The following TBC1D23 variants were observed in gnomAD, a reference collection of about 807,000 sequenced individuals.
The protein encoded by TBC1D23 is HCV non-structural protein 4A-transactivated protein 1.
Under a neutral mutation model 91.4 loss-of-function variants are expected in TBC1D23, and 55 were observed. The ratio of observed to expected loss-of-function variants is 0.60; its 90% CI spans 0.48 to 0.75. The LOEUF is 0.75. Ranked by LOEUF, TBC1D23 falls within the 30% of genes least tolerant of loss-of-function variation. The pLI is 0.00. For synonymous variants in TBC1D23, 289 were observed against 281.0 expected (o/e 1.03, Z -0.28); for missense variants, 725 against 836.1 (o/e 0.87, Z 1.64).
intron 1 of TBC1D23, among the ~76,000 whole-genome samples, chr3:100,276,086 TAAAAAA>T (rs71625558): frequency 2.9e-5 from 4 of 138,664 alleles, no homozygotes; most frequent in Admixed American, 7.1e-5. Context: ...AGATACTTGT[TAAAAAA>T]AAAAAAAAAA....
At chr3:100,275,720 A>G (rs1280513881) in intron 1 of TBC1D23, among the ~76,000 whole-genome samples, 1 of 152,248 alleles carries the variant, frequency 6.6e-6, no homozygotes, top group African/African-American at 2.4e-5. Flanking sequence ...CTTGTGTTCA[A>G]AATTAAGGTA....
intron 1 of TBC1D23, among the ~76,000 whole-genome samples, chr3:100,264,053 C>T (rs2067537222): frequency 6.6e-6 from 1 of 152,166 alleles, no homozygotes; most frequent in Admixed American, 6.5e-5. Context: ...TCATCAGCCC[C>T]CCAGAAGAGG....
Position 100,318,961 on chromosome 3 carries a change from T to C in TBC1D23, c.1688-108T>C, listed in dbSNP as rs546117215. The C allele has an allele frequency of 1.9e-5, 13 of 688,912 alleles. No homozygotes were observed. In the Admixed American group the frequency reaches 4.6e-4, roughly 24 times the overall value. 42.7% of individuals were successfully genotyped at this position (688,912 alleles called of 1,614,324 possible). Reference sequence around the variant, plus strand: ...AGTCACTGTGCCCAGGCTGTTTGTTTTTCAATCCATATCTTCAAAATACTA... The same window carrying C: ...AGTCACTGTGCCCAGGCTGTTTGTTCTTCAATCCATATCTTCAAAATACTA... On this transcript the variant is annotated intron_variant, in intron 16 of 18. Coordinates refer to ENST00000394144, the MANE Select transcript of TBC1D23 (RefSeq NM_001199198.3).
At chr3:100,295,274 C>T in intron 6 of TBC1D23, 28 bp from the exon 7 acceptor site, 2 of 1,605,582 alleles carry the variant, frequency 1.2e-6, no homozygotes, top group Non-Finnish European at 1.7e-6. Flanking sequence ...TAATATTTAA[C>T]TCAAATTGAT....
chr3:100,304,424 A>G (rs917358275), intron 11 of TBC1D23, among the ~76,000 whole-genome samples: 6 of 151,998 alleles, frequency 3.9e-5, no homozygotes, highest in African/African-American at 1.2e-4. Context: ...GTAGTTTGCA[A>G]AATGGTAACA....
chr3:100,274,844 AAT>A (rs1440978389), intron 1 of TBC1D23, among the ~76,000 whole-genome samples: 2 of 148,930 alleles, frequency 1.3e-5, no homozygotes, highest in Admixed American at 6.7e-5. Context: ...TAATATGATA[AAT>A]ATATAATATT....
At chr3:100,279,455 G>A (rs76815157) in intron 1 of TBC1D23, 194 bp from the exon 2 acceptor site, 4,618 of 404,978 alleles carry the variant, frequency 0.011, 50 homozygotes, top group Admixed American at 0.031. Context: ...AGGGTAAAAT[G>A]AGAGTAAATT....
chr3:100,291,531 C>T (rs1278751299), intron 5 of TBC1D23, among the ~76,000 whole-genome samples: 13 of 149,064 alleles, frequency 8.7e-5, no homozygotes, highest in South Asian at 2.1e-4. Flanking sequence ...TGCAGTGAGC[C>T]GAGATTGCAC....
At chr3:100,320,587 A>T (rs1705836630) in intron 17 of TBC1D23, among the ~76,000 whole-genome samples, 190 bp from the exon 18 acceptor site, 2 of 152,132 alleles carry the variant, frequency 1.3e-5, no homozygotes, top group African/African-American at 4.8e-5. Context: ...ATAAAATATT[A>T]ATTTTGCATA....
Position 100,316,134 on chromosome 3 carries a change from A to T in TBC1D23, c.1634A>T (p.Tyr545Phe). 1 of 1,614,150 alleles carries T rather than the reference A, an allele frequency of 6.2e-7. No homozygotes were observed. The highest frequency in any genetic ancestry group is 8.5e-7 in the Non-Finnish European group (1 of 1,180,000). The change falls in exon 16 of 19, where the codon TAC (tyrosine) becomes TTC (phenylalanine). Residue 545 changes from tyrosine to phenylalanine, a missense_variant. Coordinates refer to ENST00000394144, the MANE Select transcript of TBC1D23 (RefSeq NM_001199198.3). Reference sequence around the variant, plus strand: ...AGCAGTGACAGAGTGGGCAAGCCTTACCGTGGCGTAAAGCCTGTTTTCAGC... The same window carrying T: ...AGCAGTGACAGAGTGGGCAAGCCTTTCCGTGGCGTAAAGCCTGTTTTCAGC... ...VSSSDRVGKPYRGVKPVFSIG... is the reference protein window; with the variant it reads ...VSSSDRVGKPFRGVKPVFSIG...
rs758547064 is a variant in TBC1D23 at position 100,299,289 on chromosome 3, T to C, written c.1050T>C (p.Asn350=). 8.1e-6 allele frequency: 13 copies of C among 1,612,972 alleles called. No homozygotes were observed. In the South Asian group the frequency reaches 1.4e-4, roughly 18 times the overall value. The change falls in exon 10 of 19, where the codon AAT becomes AAC. Residue 350 remains asparagine (N), a synonymous_variant. Coordinates refer to ENST00000394144, the MANE Select transcript of TBC1D23 (RefSeq NM_001199198.3). ...VVDCRPAEQY[N]AGHLSTAFHL... ...ATTGCCGTCCTGCAGAACAATATAA[T>C]GCTGGGCATTTATCAACTGCTTTCC...
intron 17 of TBC1D23, among the ~76,000 whole-genome samples, 200 bp downstream of exon 17, chr3:100,319,404 A>G (rs1375413506): frequency 6.6e-6 from 1 of 151,952 alleles, no homozygotes; most frequent in Non-Finnish European, 1.5e-5. Flanking sequence ...TGTTGAAGGA[A>G]TAGTACATTG....
Position 100,306,489 on chromosome 3 carries a change from T to C in TBC1D23, c.1359T>C (p.Tyr453=). The change falls in exon 13 of 19, where the codon TAT becomes TAC. Residue 453 remains tyrosine, a synonymous_variant. Coordinates refer to ENST00000394144, the MANE Select transcript of TBC1D23 (RefSeq NM_001199198.3). ...DINVDGPENG[Y]GHWIASTSGS... is the part of the protein sequence containing the mutation. ...ATGTGGATGGACCAGAAAATGGATA[T>C]GGCCATTGGATTGCTAGTACCTCAG... 6.2e-7 allele frequency: 1 copy of C among 1,613,064 alleles called. No individual in the cohort carries two copies. The highest frequency in any genetic ancestry group is 1.7e-5 in the Admixed American group (1 of 60,014).
At chr3:100,303,868 T>A (rs1424495887) in intron 11 of TBC1D23, among the ~76,000 whole-genome samples, 4 of 152,202 alleles carry the variant, frequency 2.6e-5, no homozygotes, top group African/African-American at 4.8e-5. Flanking sequence ...AACTTTTTTT[T>A]AATTATTCGA....
At chr3:100,317,300 G>A (rs541115114) in intron 16 of TBC1D23, among the ~76,000 whole-genome samples, 1 of 152,182 alleles carries the variant, frequency 6.6e-6, no homozygotes, top group South Asian at 2.1e-4. Flanking sequence ...TTTCCAGTTA[G>A]TAATAAATAC....
At chr3:100,283,175 C>G (rs1471791024) in intron 3 of TBC1D23, among the ~76,000 whole-genome samples, 1 of 152,142 alleles carries the variant, frequency 6.6e-6, no homozygotes, top group Non-Finnish European at 1.5e-5. Flanking sequence ...GAGTTCGAGA[C>G]CAGCCTGGCC....
Position 100,323,784 on chromosome 3 carries a change from G to C in TBC1D23, c.*116G>C. 1 of 372,262 alleles carries C rather than the reference G, an allele frequency of 2.7e-6. No individual in the cohort carries two copies. Among genetic ancestry groups the C allele is most frequent in the East Asian group, 5.0e-5 (1 of 19,844 alleles). The allele number at this position is 372,262 out of a possible 1,614,324, so 23.1% of individuals were successfully genotyped here. A position where few individuals can be genotyped will look rare whatever the true frequency, so the allele number is the denominator to read the frequency against. ...ATTTGCTCATGGGGCTGCTTAAATA[G>C]CAGGTCTAAGAAAGTGTAAATTATT... is the stretch of plus-strand genomic sequence containing the variant. On this transcript the variant is annotated 3_prime_UTR_variant, in exon 19 of 19. Transcript: ENST00000394144.
Position 100,311,866 on chromosome 3 carries a change from A to C in TBC1D23, c.1587A>C (p.Ser529=). 1.3e-6 allele frequency: 2 copies of C among 1,534,978 alleles called. No individual in the cohort carries two copies. Among genetic ancestry groups the C allele is most frequent in the Non-Finnish European group, 1.7e-6 (2 of 1,145,512 alleles). ...TCAATCTTCCTTGGCCAGACAGATC[A>C]TGTACAGAGCGGTAAGCCAATGAGT... ...MSFNLPWPDR[S]CTERHVSSSD... is the part of the protein sequence containing the mutation. The change falls in exon 15 of 19, where the codon TCA becomes TCC. Residue 529 remains serine (S), a synonymous_variant. Transcript: ENST00000394144.
At chr3:100,261,309 A>G (rs1012856104) in intron 1 of TBC1D23, 1 of 570,634 alleles carries the variant, frequency 1.8e-6, no homozygotes, top group African/African-American at 1.9e-5. Flanking sequence ...GGGCCTCAGA[A>G]CGGTCCTCCT....
Sources: allele counts gnomAD v4.1 joint callset (sites outside exome capture counted in the v4.1 genomes callset), GRCh38; gene constraint gnomAD v4.1.1; transcripts MANE v1.5; gene names NCBI Gene and HGNC (gene_info 2026-07-23, HGNC 2026-07-21).